The following RACGAP1 variants were observed in gnomAD, a reference collection of about 807,000 sequenced individuals.
RACGAP1 encodes Rac GTPase activating protein 1, also known as rac GTPase-activating protein 1.
Under a neutral mutation model 78.1 loss-of-function variants are expected in RACGAP1, and 30 were observed. The ratio of observed to expected loss-of-function variants is 0.38; its 90% CI spans 0.29 to 0.52. RACGAP1 has a LOEUF of 0.52. Among genes scored for constraint, RACGAP1 ranks in the 20% least tolerant of loss-of-function variants. The pLI, the probability that RACGAP1 is intolerant of heterozygous loss-of-function variation, is 0.82. For synonymous variants in RACGAP1, 231 were observed against 264.8 expected (o/e 0.87, Z 1.24); for missense variants, 587 against 777.1 (o/e 0.76, Z 2.91).
chr12:50,021,032 T>C (rs888277403), intron 1 of RACGAP1: 3 of 815,700 alleles, frequency 3.7e-6, no homozygotes, highest in Admixed American at 1.2e-4. Context: ...CTCAGCCAAA[T>C]TGTAACTCAA....
chr12:49,991,941 T>C, intron 15 of RACGAP1, 57 bp downstream of exon 15: 1 of 1,595,434 alleles, frequency 6.3e-7, no homozygotes, highest in Non-Finnish European at 8.5e-7. Flanking sequence ...GAAGAGGTCA[T>C]ATGACTAAAA....
chr12:50,018,284 T>G (rs1949795479), intron 1 of RACGAP1, among the ~76,000 whole-genome samples: 1 of 152,174 alleles, frequency 6.6e-6, no homozygotes, highest in Admixed American at 6.6e-5. Flanking sequence ...CAAGCCTGGA[T>G]GCAACATATA....
upstream of RACGAP1, among the ~76,000 whole-genome samples, chr12:50,029,766 G>A (rs368139273): frequency 1.5e-4 from 23 of 151,688 alleles, no homozygotes; most frequent in African/African-American, 4.6e-4. Flanking sequence ...GGTGGCGGGC[G>A]CCTGTAGTCC....
In RACGAP1 at chr12:49,989,379, G is replaced by A. The variant is rs567617469; in HGVS notation, c.*889C>T. ...TCCAAAGTGCAAAGAAAAAATGACTGTAGCTTTTCTTACCACAAAATATTG... is the reference window on the plus strand; with the variant it reads ...TCCAAAGTGCAAAGAAAAAATGACTATAGCTTTTCTTACCACAAAATATTG... On this transcript the variant is annotated 3_prime_UTR_variant, in exon 17 of 17. Transcript: ENST00000312377. The A allele has an allele frequency of 6.6e-6, 1 of 152,208 alleles. No homozygotes were observed. Among genetic ancestry groups the A allele is most frequent in the East Asian group, 1.9e-4 (1 of 5,182 alleles). The allele number at this position is 152,208 out of a possible 1,614,324, so 9.4% of individuals were successfully genotyped here.
At chr12:50,030,857 G>A (rs1950326636) in intron 2 of RACGAP1, among the ~76,000 whole-genome samples, 1 of 151,434 alleles carries the variant, frequency 6.6e-6, no homozygotes, top group African/African-American at 2.4e-5. Context: ...TCGGCCCACT[G>A]CAACCTCCGC....
chr12:49,996,443 ACATGATGAAACCC>A (rs1204873410), intron 10 of RACGAP1, among the ~76,000 whole-genome samples: 2 of 151,814 alleles, frequency 1.3e-5, no homozygotes, highest in Non-Finnish European at 2.9e-5. Context: ...ACCCTGGCCA[ACATGATGAAACCC>A]CATCTCTACT....
chr12:50,006,124 G>T (rs1471622722), intron 3 of RACGAP1, among the ~76,000 whole-genome samples: 2 of 152,194 alleles, frequency 1.3e-5, no homozygotes, highest in Non-Finnish European at 1.5e-5. Context: ...CCAATAACTT[G>T]TGACAGATCA....
chr12:50,016,841 G>C, intron 1 of RACGAP1, 122 bp from the exon 2 acceptor site: 2 of 1,386,856 alleles, frequency 1.4e-6, no homozygotes, highest in Non-Finnish European at 1.9e-6. Flanking sequence ...ACCATTATAA[G>C]AATCTCAAGC....
chr12:49,990,038 A>T lies in RACGAP1; in HGVS notation c.*230T>A, dbSNP rs890718335. ...CCTTCTACCCCTGGAAAGATGTCTCATCTAAAAGCTCCCAACAATGACCAG... is the reference window on the plus strand; with the variant it reads ...CCTTCTACCCCTGGAAAGATGTCTCTTCTAAAAGCTCCCAACAATGACCAG... On this transcript the variant is annotated 3_prime_UTR_variant, in exon 17 of 17. Transcript: ENST00000312377. 1 of 430,248 alleles carries T rather than the reference A, an allele frequency of 2.3e-6. No homozygotes were observed. Among genetic ancestry groups the T allele is most frequent in the African/African-American group, 2.0e-5 (1 of 51,214 alleles). The allele number at this position is 430,248 out of a possible 1,614,324, so 26.7% of individuals were successfully genotyped here.
In RACGAP1 at chr12:49,992,114, G is replaced by A. The variant is rs548313977; in HGVS notation, c.1598C>T (p.Ser533Phe). 1 of 1,613,904 alleles carries A rather than the reference G, an allele frequency of 6.2e-7. No individual in the cohort carries two copies. Among genetic ancestry groups the A allele is most frequent in the South Asian group, 1.1e-5 (1 of 91,058 alleles). ...CTGACTCCAATACTCCAGAGGCAAG[G>A]AAAGCAGGCGCTCAACCACCTAAAA... ...RQPKVVERLL[S>F]LPLEYWSQFM... The change falls in exon 15 of 17, where the codon TCC becomes TTC. Residue 533 changes from serine (S) to phenylalanine (F), a missense_variant. Physicochemically the swap from Ser to Phe is radical, Grantham distance 155 (BLOSUM62 -2). Transcript: ENST00000312377.
chr12:50,021,487 A>G (rs2137691316), intron 1 of RACGAP1, among the ~76,000 whole-genome samples: 1 of 152,306 alleles, frequency 6.6e-6, no homozygotes, highest in East Asian at 1.9e-4. Context: ...GATTGCTTTG[A>G]GCCCCCAATT....
At position 49,990,090 on chromosome 12, in the gene RACGAP1, G is replaced by C; in HGVS notation, c.*178C>G. The stretch of plus-strand genomic sequence containing the variant: ...ACAAAGTGCTGATATTATGTGACTT[G>C]AGGAGAAGGAAGGGGAGATATATAT... On this transcript the variant is annotated 3_prime_UTR_variant, in exon 17 of 17. Transcript: ENST00000312377. The C allele has an allele frequency of 2.0e-6, 1 of 495,474 alleles. No homozygotes were observed. The highest frequency in any genetic ancestry group is 3.6e-6 in the Non-Finnish European group (1 of 278,020). 30.7% of individuals were successfully genotyped at this position (495,474 alleles called of 1,614,324 possible).
intron 4 of RACGAP1, among the ~76,000 whole-genome samples, chr12:50,004,604 G>T (rs960283636): frequency 6.6e-6 from 1 of 152,148 alleles, no homozygotes; most frequent in Non-Finnish European, 1.5e-5. Context: ...TGTATTACAG[G>T]CTACTCCAAA....
intron 6 of RACGAP1, 32 bp downstream of exon 6, chr12:50,002,215 T>C (rs1948725877): frequency 6.2e-7 from 1 of 1,600,578 alleles, no homozygotes; most frequent in African/African-American, 1.4e-5. Context: ...TATTACTTTG[T>C]TTTAAAAAAA....
intron 12 of RACGAP1, 115 bp downstream of exon 12, chr12:49,994,016 C>A: frequency 9.5e-7 from 1 of 1,056,982 alleles, no homozygotes; most frequent in Admixed American, 2.9e-5. Flanking sequence ...CTGACTTCAG[C>A]CTGGGCGAGA....
At chr12:50,014,526 CTGAG>C (rs1189192739) in intron 2 of RACGAP1, among the ~76,000 whole-genome samples, 1 of 152,158 alleles carries the variant, frequency 6.6e-6, no homozygotes. Context: ...CTTCAGCCTC[CTGAG>C]TATCTGGGAC....
chr12:50,025,580 A>C, upstream of RACGAP1: 1 of 976,990 alleles, frequency 1.0e-6, no homozygotes, highest in Non-Finnish European at 1.2e-6. Context: ...CGCGGAGGTG[A>C]CGGGAACGGG....
rs754955724 is a variant in RACGAP1, at chr12:49,997,015, C to T, written c.1044+25G>A. On this transcript the variant is annotated intron_variant, in intron 10 of 16. Transcript: ENST00000312377. The stretch of plus-strand genomic sequence containing the variant: ...AAAGGCGAATAAAGAGGCCATAAAA[C>T]AATGACGGCTTGCATAAGTCATACC... 4.2e-6 allele frequency: 6 copies of T among 1,441,910 alleles called. No homozygotes were observed. In the South Asian group the frequency reaches 7.7e-5, roughly 19 times the overall value. 89.3% of individuals were successfully genotyped at this position (1,441,910 alleles called of 1,614,324 possible). A position where few individuals can be genotyped will look rare whatever the true frequency, so the allele number is the denominator to read the frequency against.
At chr12:50,007,622 T>C (rs571579542) in intron 2 of RACGAP1, among the ~76,000 whole-genome samples, 31 of 152,216 alleles carry the variant, frequency 2.0e-4, no homozygotes, top group Non-Finnish European at 4.0e-4. Flanking sequence ...TTTTCCCCTA[T>C]GAATTTAACC....
Sources: gnomAD v4.1 joint callset for allele counts (sites outside exome capture counted in the v4.1 genomes callset) on GRCh38, gnomAD v4.1.1 for gene constraint, MANE v1.5 for transcripts, NCBI Gene and HGNC (gene_info 2026-07-23, HGNC 2026-07-21) for gene names.